The following ROBO2 variants were observed in gnomAD, a reference collection of about 807,000 sequenced individuals.
ROBO2 encodes roundabout guidance receptor 2, also known as roundabout homolog 2.
ROBO2 carries 53 observed loss-of-function variants against 160.8 expected under a neutral mutation model. The ratio of observed to expected loss-of-function variants is 0.33; its 90% confidence interval spans 0.26 to 0.41. ROBO2 has a LOEUF of 0.41. Among genes scored for constraint, ROBO2 ranks in the 10% least tolerant of loss-of-function variants. The probability of loss-of-function intolerance (pLI) is 1.00; values close to 1 mark genes in which losing one functional copy is unlikely to be tolerated. For missense variants in ROBO2, 1,577 were observed against 1,722.4 expected, an observed-to-expected ratio of 0.92 and a Z score of 1.49; for synonymous variants, 664 against 611.7, an observed-to-expected ratio of 1.09 and a Z score of -1.26.
intron 2 of ROBO2, among the ~76,000 whole-genome samples, chr3:76,371,531 C>A (rs2076100635): frequency 6.6e-6 from 1 of 151,590 alleles, no homozygotes; most frequent in Non-Finnish European, 1.5e-5. Flanking sequence ...AGTCTTTGCA[C>A]ATACTGTATT....
rs549666452 is a variant in ROBO2 at position 77,538,271 on chromosome 3, C to T, written c.935-8067C>T. On this transcript the variant is annotated intron_variant, in intron 6 of 25. Coordinates refer to ENST00000461745, the Ensembl canonical transcript of ROBO2. ...TCGGCTCACTGCAAGCTCCGCCTCC[C>T]GGGTTCACGCCATTCTCCTGCCTCA... Among the ~76,000 whole-genome samples the T allele has an allele frequency of 5.3e-5, 8 of 150,544 alleles. No homozygotes were observed. In the South Asian group the frequency reaches 1.3e-3, roughly 24 times the overall value.
chr3:77,543,880 T>G (rs1478736300), intron 6 of ROBO2, among the ~76,000 whole-genome samples: 2 of 152,182 alleles, frequency 1.3e-5, no homozygotes, highest in African/African-American at 2.4e-5. Context: ...TAGGTGATTT[T>G]TATTCAAATC....
chr3:76,695,679 G>T (rs1026163262), intron 2 of ROBO2, among the ~76,000 whole-genome samples: 1 of 152,096 alleles, frequency 6.6e-6, no homozygotes, highest in Non-Finnish European at 1.5e-5. Flanking sequence ...AAAAACTTTA[G>T]ATGTTTTAAC....
intron 2 of ROBO2, among the ~76,000 whole-genome samples, chr3:76,317,701 T>C (rs1264854782): frequency 6.6e-6 from 1 of 152,102 alleles, no homozygotes; most frequent in African/African-American, 2.4e-5. Context: ...GAAAAACATG[T>C]TTTTTCTATA....
chr3:76,295,870 T>C (rs1418179477), intron 2 of ROBO2, among the ~76,000 whole-genome samples: 3 of 152,172 alleles, frequency 2.0e-5, no homozygotes, highest in Non-Finnish European at 2.9e-5. Context: ...TAAAAACTTA[T>C]AGTTTTCATC....
intron 6 of ROBO2, among the ~76,000 whole-genome samples, chr3:77,536,410 C>T (rs935631640): frequency 6.6e-6 from 1 of 151,942 alleles, no homozygotes; most frequent in East Asian, 1.9e-4. Context: ...TCTTTTCTCT[C>T]TCCTTCTTTT....
intron 2 of ROBO2, among the ~76,000 whole-genome samples, chr3:77,291,930 A>C (rs1334779381): frequency 6.6e-6 from 1 of 151,766 alleles, no homozygotes; most frequent in Non-Finnish European, 1.5e-5. Flanking sequence ...GTGAAGTAAA[A>C]TTGACGGCTA....
Position 76,409,913 on chromosome 3 carries a change from T to C in ROBO2, c.109+472311T>C, listed in dbSNP as rs534407087. 4.6e-5 allele frequency among the ~76,000 whole-genome samples: 7 copies of C among 152,254 alleles called. No homozygotes were observed. The South Asian group carries it at 6.2e-4, about 13-fold the overall frequency. On this transcript the variant is annotated intron_variant, in intron 2 of 26. Transcript: ENST00000487694. The stretch of plus-strand genomic sequence containing the variant: ...AGTACAGATCTATTTCTAGCAAAAG[T>C]GCTGCTCCCCCAAACATGTGTTCAC...
intron 2 of ROBO2, among the ~76,000 whole-genome samples, chr3:77,159,764 T>A (rs2078325272): frequency 6.6e-6 from 1 of 152,134 alleles, no homozygotes. Context: ...TAAAAGTGTG[T>A]AAGTTAAATA....
intron 2 of ROBO2, among the ~76,000 whole-genome samples, chr3:76,867,094 A>G (rs1280159426): frequency 6.6e-6 from 1 of 152,142 alleles, no homozygotes; most frequent in East Asian, 1.9e-4. Flanking sequence ...GTTCATTTCA[A>G]CAGACATTTA....
chr3:77,543,344 C>T (rs2092561926), intron 6 of ROBO2, among the ~76,000 whole-genome samples: 1 of 152,158 alleles, frequency 6.6e-6, no homozygotes, highest in Non-Finnish European at 1.5e-5. Flanking sequence ...TCTCCTGTAC[C>T]AACCAGAATG....
At chr3:76,382,609 T>G (rs1370622878) in intron 2 of ROBO2, among the ~76,000 whole-genome samples, 1 of 152,066 alleles carries the variant, frequency 6.6e-6, no homozygotes, top group African/African-American at 2.4e-5. Flanking sequence ...ACAAAAAGCT[T>G]CTTCAGGAGG....
At chr3:77,462,267 A>G (rs2082322414) in intron 2 of ROBO2, among the ~76,000 whole-genome samples, 1 of 152,186 alleles carries the variant, frequency 6.6e-6, no homozygotes, top group Non-Finnish European at 1.5e-5. Context: ...TCAAATCAAA[A>G]GGTTGTCATC....
At position 76,465,112 on chromosome 3, in the gene ROBO2, A is replaced by G. The variant is rs1030902706; in HGVS notation, c.109+527510A>G. ...GAATAACTCAAGAAATATTTACTAC[A>G]TGAATCATAATTTTTATATTTTTGT... On this transcript the variant is annotated intron_variant, in intron 2 of 26. Coordinates refer to the ROBO2 transcript ENST00000487694. 5.3e-5 allele frequency among the ~76,000 whole-genome samples: 8 copies of G among 152,140 alleles called. No homozygotes were observed. The East Asian group carries it at 5.8e-4, about 11-fold the overall frequency.
intron 2 of ROBO2, among the ~76,000 whole-genome samples, chr3:77,114,505 T>G (rs1367374727): frequency 1.3e-5 from 2 of 152,212 alleles, no homozygotes; most frequent in Non-Finnish European, 2.9e-5. Context: ...ATGAGGCATT[T>G]CCTTAATCTT....
At chr3:76,486,821 G>T (rs2079522824) in intron 2 of ROBO2, among the ~76,000 whole-genome samples, 1 of 152,146 alleles carries the variant, frequency 6.6e-6, no homozygotes, top group Admixed American at 6.6e-5. Flanking sequence ...AGAGCAGACA[G>T]GGTGCAATTA....
At chr3:77,637,776 A>C (rs1226945953) in intron 24 of ROBO2, among the ~76,000 whole-genome samples, 1 of 152,200 alleles carries the variant, frequency 6.6e-6, no homozygotes, top group African/African-American at 2.4e-5. Context: ...GAATATGTGG[A>C]AGATATAAAA....
chr3:77,399,635 A>C (rs1184043379), intron 2 of ROBO2, among the ~76,000 whole-genome samples: 1 of 152,154 alleles, frequency 6.6e-6, no homozygotes, highest in African/African-American at 2.4e-5. Context: ...AAATTGATTT[A>C]ATTGGTCATG....
At chr3:76,257,218 C>A (rs1307673558) in intron 2 of ROBO2, among the ~76,000 whole-genome samples, 1 of 152,040 alleles carries the variant, frequency 6.6e-6, no homozygotes, top group Non-Finnish European at 1.5e-5. Context: ...AGTTTGTTAA[C>A]CAAAATATGC....
Sources: allele counts gnomAD v4.1 joint callset (sites outside exome capture counted in the v4.1 genomes callset), GRCh38; gene constraint gnomAD v4.1.1; transcripts MANE v1.5; gene names NCBI Gene and HGNC (gene_info 2026-07-23, HGNC 2026-07-21).